The following SEMA3C variants were observed in gnomAD, a reference collection of about 807,000 sequenced individuals.
SEMA3C encodes the protein semaphorin-3C.
SEMA3C carries 47 observed loss-of-function variants against 89.4 expected under a neutral mutation model. The observed-to-expected ratio is 0.53, with a 90% CI of 0.42 to 0.67. SEMA3C has a LOEUF of 0.67. SEMA3C is among the 30% of genes least tolerant of loss of function. The pLI is 0.00. For missense variants in SEMA3C, 839 were observed against 929.1 expected (o/e 0.90, Z 1.26); for synonymous variants, 310 against 320.2 (o/e 0.97, Z 0.34).
chr7:80,912,204 A>G (rs1020651615), intron 2 of SEMA3C, among the ~76,000 whole-genome samples: 10 of 152,192 alleles, frequency 6.6e-5, no homozygotes, highest in African/African-American at 1.9e-4. Flanking sequence ...TCTAGGAGAA[A>G]TCCACAGCAT....
In SEMA3C at chr7:80,804,149, C is replaced by T. The variant is rs148344468; in HGVS notation, c.758G>A (p.Arg253Lys). ...CATGGAATGAATCTGTTTCGTGCTC[C>T]TGTTATTGTCAGTCAGTTTTTCTTT... The part of the protein sequence containing the change: ...FFKEKLTDNN[R>K]STKQIHSMIA... Residue 253 changes from arginine (R) to lysine (K), a missense_variant, in exon 8 of 18, where the codon AGG (arginine) becomes AAG (lysine). Transcript: ENST00000265361. The T allele has an allele frequency of 2.0e-5, 32 of 1,612,570 alleles. No homozygotes were observed. Among genetic ancestry groups the T allele is most frequent in the African/African-American group, 2.7e-5 (2 of 74,834 alleles).
At chr7:80,896,591 C>T (rs1055733176) in intron 2 of SEMA3C, among the ~76,000 whole-genome samples, 2 of 152,170 alleles carry the variant, frequency 1.3e-5, no homozygotes, top group African/African-American at 4.8e-5. Context: ...CCTAAATCAG[C>T]CTAATGCTTA....
intron 4 of SEMA3C, among the ~76,000 whole-genome samples, chr7:80,820,446 TA>T (rs1421019009): frequency 1.3e-5 from 2 of 152,130 alleles, no homozygotes; most frequent in Non-Finnish European, 2.9e-5. Flanking sequence ...AAGTTAAAAT[TA>T]AAGTCAATAT....
At chr7:80,862,325 C>T (rs1333056422) in intron 2 of SEMA3C, among the ~76,000 whole-genome samples, 1 of 152,006 alleles carries the variant, frequency 6.6e-6, no homozygotes, top group Non-Finnish European at 1.5e-5. Context: ...ACCAAGAACT[C>T]AACCACTTTT....
At position 80,791,760 on chromosome 7, in the gene SEMA3C, C is replaced by T. The variant is rs146557310; in HGVS notation, c.1132-2232G>A. ...AAAAAAGAACAGCAACATGGGGGGC[C>T]AAACAAAATATGACAATCTCCAGGT... On this transcript the variant is annotated intron_variant, in intron 11 of 17. Transcript: ENST00000265361. Among the ~76,000 whole-genome samples, 206 of 152,216 alleles carry T rather than the reference C, an allele frequency of 1.4e-3. 1 individual carries two copies. The highest frequency in any genetic ancestry group is 4.8e-3 in the African/African-American group (198 of 41,550).
At chr7:80,889,150 ACCACGCTCGG>A (rs1791552383) in intron 2 of SEMA3C, among the ~76,000 whole-genome samples, 2 of 152,238 alleles carry the variant, frequency 1.3e-5, no homozygotes, top group South Asian at 4.1e-4. Flanking sequence ...GGCGTAAGCC[ACCACGCTCGG>A]CCATGTTTTG....
chr7:80,815,983 A>G (rs538528964), intron 5 of SEMA3C: 3 of 152,302 alleles, frequency 2.0e-5, no homozygotes, highest in African/African-American at 4.8e-5. Flanking sequence ...ATTTAAAGTC[A>G]TGATTCACTT....
At chr7:80,869,114 A>G (rs1333354333) in intron 2 of SEMA3C, among the ~76,000 whole-genome samples, 1 of 152,178 alleles carries the variant, frequency 6.6e-6, no homozygotes, top group Non-Finnish European at 1.5e-5. Context: ...GATTTATTTA[A>G]AATCCTGGTG....
chr7:80,772,127 A>G (rs1389130550), intron 12 of SEMA3C, among the ~76,000 whole-genome samples: 3 of 152,206 alleles, frequency 2.0e-5, no homozygotes, highest in African/African-American at 7.2e-5. Flanking sequence ...AATGCTTAAT[A>G]GAGATGAGGG....
At chr7:80,899,448 T>C (rs947819560) in intron 2 of SEMA3C, among the ~76,000 whole-genome samples, 2 of 152,242 alleles carry the variant, frequency 1.3e-5, no homozygotes, top group African/African-American at 2.4e-5. Context: ...AGATATGATA[T>C]ACACCTTGTT....
intron 2 of SEMA3C, among the ~76,000 whole-genome samples, chr7:80,843,380 G>T (rs1790314943): frequency 1.3e-5 from 2 of 151,588 alleles, no homozygotes; most frequent in Admixed American, 6.6e-5. Flanking sequence ...TCTTTGTGTT[G>T]TTTTTTTTAG....
intron 11 of SEMA3C, among the ~76,000 whole-genome samples, chr7:80,794,401 CTA>C (rs1285051221): frequency 6.6e-6 from 1 of 152,078 alleles, no homozygotes; most frequent in African/African-American, 2.4e-5. Context: ...TTTTTCATGT[CTA>C]TGTCTTATGC....
intron 6 of SEMA3C, 116 bp downstream of exon 6, chr7:80,810,495 A>C (rs1035388708): frequency 1.6e-5 from 11 of 670,404 alleles, no homozygotes; most frequent in Non-Finnish European, 2.5e-5. Context: ...AACTTTCTTC[A>C]TATTATTTTA....
chr7:80,806,610 C>T (rs1338196741), intron 6 of SEMA3C, among the ~76,000 whole-genome samples: 1 of 151,902 alleles, frequency 6.6e-6, no homozygotes, highest in Non-Finnish European at 1.5e-5. Context: ...TCAACATTTA[C>T]CTTATTGTTT....
intron 2 of SEMA3C, among the ~76,000 whole-genome samples, chr7:80,889,188 A>T (rs370895967): frequency 6.6e-6 from 1 of 152,210 alleles, no homozygotes; most frequent in Non-Finnish European, 1.5e-5. Context: ...TATTACAAAT[A>T]TGAATGTCTT....
chr7:80,896,756 T>A, intron 2 of SEMA3C, among the ~76,000 whole-genome samples: 1 of 152,188 alleles, frequency 6.6e-6, no homozygotes, highest in East Asian at 1.9e-4. Flanking sequence ...ATGAACCAGC[T>A]AGCCTACATC....
intron 2 of SEMA3C, among the ~76,000 whole-genome samples, chr7:80,916,384 T>C (rs750403833): frequency 6.6e-6 from 1 of 152,200 alleles, no homozygotes; most frequent in African/African-American, 2.4e-5. Flanking sequence ...TCAAAGATGC[T>C]AGGCTTTGAG....
At position 80,743,697 on chromosome 7, in the gene SEMA3C, A is replaced by G. The variant is rs1182971993; in HGVS notation, c.*1197T>C. The G allele has an allele frequency of 6.6e-6, 1 of 151,960 alleles. No individual in the cohort carries two copies. The highest frequency in any genetic ancestry group is 2.4e-5 in the African/African-American group (1 of 41,454). The allele number at this position is 151,960 out of a possible 1,614,324, so 9.4% of individuals were successfully genotyped here. A position where few individuals can be genotyped will look rare whatever the true frequency, so the allele number is the denominator to read the frequency against. The stretch of plus-strand genomic sequence containing the variant: ...CAATTAGGAGATAATTATTTTATTC[A>G]TCACAAAATTTACTACTTTTACACT... On this transcript the variant is annotated 3_prime_UTR_variant, in exon 18 of 18. Transcript: ENST00000265361.
At chr7:80,800,403 T>C (rs1207159574) in intron 10 of SEMA3C, among the ~76,000 whole-genome samples, 1 of 152,188 alleles carries the variant, frequency 6.6e-6, no homozygotes, top group East Asian at 1.9e-4. Context: ...TAAACATTTA[T>C]TACCTCTGAT....
Sources: allele counts gnomAD v4.1 joint callset (sites outside exome capture counted in the v4.1 genomes callset), GRCh38; gene constraint gnomAD v4.1.1; transcripts MANE v1.5; gene names NCBI Gene and HGNC (gene_info 2026-07-23, HGNC 2026-07-21).